CSMD1: variants seen among roughly 807,000 people sequenced by gnomAD.
CSMD1 encodes CUB and sushi domain-containing protein 1.
A neutral mutation model predicts 417.5 loss-of-function variants in CSMD1; 213 were observed. That is an observed-to-expected ratio of 0.51 (90% confidence interval 0.46 to 0.57). The LOEUF (loss-of-function observed/expected upper bound fraction) is 0.57, where lower values mean the gene tolerates loss of function less well. Ranked by LOEUF, CSMD1 falls within the 20% of genes least tolerant of loss-of-function variation. CSMD1 has a pLI of 0.00. For synonymous variants in CSMD1, 2,862 were observed against 1,736.8 expected (o/e 1.65, Z -16.11); for missense variants, 6,923 against 4,529.7 (o/e 1.53, Z -15.17).
chr8:4,775,222 C>T (rs1304984732), intron 1 of CSMD1, among the ~76,000 whole-genome samples: 1 of 151,962 alleles, frequency 6.6e-6, no homozygotes, highest in Non-Finnish European at 1.5e-5. Flanking sequence ...GGACATATCA[C>T]TAAAATAGGA....
intron 5 of CSMD1, among the ~76,000 whole-genome samples, chr8:3,921,523 C>A (rs191307417): frequency 8.0e-4 from 121 of 151,930 alleles, no homozygotes; most frequent in Non-Finnish European, 1.6e-3. Flanking sequence ...TTCATGTAGG[C>A]CATCATTTCT....
chr8:4,184,609 GA>G (rs113767956), intron 3 of CSMD1, among the ~76,000 whole-genome samples: 77 of 149,892 alleles, frequency 5.1e-4, no homozygotes, highest in East Asian at 3.7e-3. Flanking sequence ...ACTAACACAG[GA>G]AAAAAAAAAT....
At chr8:3,498,391 C>G in intron 10 of CSMD1, among the ~76,000 whole-genome samples, 1 of 152,008 alleles carries the variant, frequency 6.6e-6, no homozygotes, top group East Asian at 1.9e-4. Flanking sequence ...TTTCTTTTTT[C>G]TTTTTCTTGG....
chr8:3,159,011 T>G (rs1025709055), intron 38 of CSMD1, among the ~76,000 whole-genome samples: 1 of 152,216 alleles, frequency 6.6e-6, no homozygotes, highest in Non-Finnish European at 1.5e-5. Flanking sequence ...CCTCTTGATA[T>G]TTTTAAAAGT....
At chr8:4,499,133 A>C (rs1245746166) in intron 2 of CSMD1, among the ~76,000 whole-genome samples, 2 of 152,208 alleles carry the variant, frequency 1.3e-5, no homozygotes, top group Non-Finnish European at 2.9e-5. Flanking sequence ...GATTTAAACC[A>C]AGATAAAGAA....
intron 5 of CSMD1, among the ~76,000 whole-genome samples, chr8:3,819,800 C>A (rs184575750): frequency 6.6e-6 from 1 of 152,080 alleles, no homozygotes; most frequent in Admixed American, 6.5e-5. Flanking sequence ...TTTGCCTGGC[C>A]TCCCAAAGTA....
At chr8:3,455,959 C>G (rs935849478) in intron 12 of CSMD1, among the ~76,000 whole-genome samples, 7 of 152,136 alleles carry the variant, frequency 4.6e-5, no homozygotes, top group Non-Finnish European at 8.8e-5. Context: ...TGGGCTCCAC[C>G]CAGTTCGAGC....
intron 68 of CSMD1, among the ~76,000 whole-genome samples, chr8:2,949,083 T>A (rs768810020): frequency 6.6e-6 from 1 of 152,058 alleles, no homozygotes; most frequent in African/African-American, 2.4e-5. Flanking sequence ...AGTGAAGATA[T>A]GATGTCTGGC....
chr8:4,436,749 C>G (rs893467543), intron 2 of CSMD1, among the ~76,000 whole-genome samples: 1 of 152,040 alleles, frequency 6.6e-6, no homozygotes, highest in Non-Finnish European at 1.5e-5. Context: ...TTTTAGATCC[C>G]ACAAATAAGT....
intron 5 of CSMD1, among the ~76,000 whole-genome samples, chr8:3,960,227 T>G (rs1390625010): frequency 6.6e-6 from 1 of 152,212 alleles, no homozygotes; most frequent in East Asian, 1.9e-4. Context: ...CTAAGAAAAT[T>G]TTATTTCCTC....
chr8:4,473,859 T>G (rs1237885194), intron 2 of CSMD1, among the ~76,000 whole-genome samples: 1 of 152,132 alleles, frequency 6.6e-6, no homozygotes, highest in Non-Finnish European at 1.5e-5. Context: ...GTAGCATATA[T>G]AAGAATTTAA....
intron 36 of CSMD1, among the ~76,000 whole-genome samples, chr8:3,182,664 T>C (rs1460112880): frequency 5.2e-5 from 3 of 58,036 alleles, no homozygotes; most frequent in African/African-American, 2.0e-4. Context: ...ACTCTGGCTG[T>C]CTATAAGAAG....
chr8:3,997,472 G>A (rs149041882), intron 5 of CSMD1, among the ~76,000 whole-genome samples: 55 of 152,244 alleles, frequency 3.6e-4, no homozygotes, highest in Middle Eastern at 3.4e-3. Flanking sequence ...ACAGAATGTG[G>A]TACACAGTCT....
intron 2 of CSMD1, among the ~76,000 whole-genome samples, chr8:4,637,029 TG>T (rs1802859620): frequency 6.6e-6 from 1 of 152,008 alleles, no homozygotes; most frequent in African/African-American, 2.4e-5. Context: ...AGGACAGAAA[TG>T]GAACATGGGA....
chr8:3,574,934 C>A lies in CSMD1; in HGVS notation c.1344+11G>T. On this transcript the variant is annotated intron_variant, in intron 10 of 69. Transcript: ENST00000635120. ...GTGCATTAACCACAGGGGTTGGAGG[C>A]GGAGCCTTACCTTGTCCGGGTCGGT... The A allele has an allele frequency of 6.2e-7, 1 of 1,611,038 alleles. No individual in the cohort carries two copies. Among genetic ancestry groups the A allele is most frequent in the African/African-American group, 1.3e-5 (1 of 74,936 alleles).
intron 14 of CSMD1, among the ~76,000 whole-genome samples, chr8:3,407,515 G>T: frequency 6.6e-6 from 1 of 151,880 alleles, no homozygotes; most frequent in African/African-American, 2.4e-5. Flanking sequence ...ATGAATGAAA[G>T]GATACAGATG....
At chr8:4,133,847 A>T (rs1803258172) in intron 3 of CSMD1, among the ~76,000 whole-genome samples, 1 of 152,170 alleles carries the variant, frequency 6.6e-6, no homozygotes, top group African/African-American at 2.4e-5. Flanking sequence ...CCTGCTTTGC[A>T]ATCAGGGTTA....
intron 1 of CSMD1, among the ~76,000 whole-genome samples, chr8:4,841,911 CAAAAAAAAAAAAAAA>C (rs397757527): frequency 5.7e-5 from 2 of 34,832 alleles, no homozygotes; most frequent in Non-Finnish European, 8.6e-5. Flanking sequence ...AACTCCGTCT[CAAAAAAAAAAAAAAA>C]AAAAAAAAAA....
chr8:4,934,267 C>T (rs1807451344), intron 1 of CSMD1, among the ~76,000 whole-genome samples: 1 of 152,194 alleles, frequency 6.6e-6, no homozygotes, highest in African/African-American at 2.4e-5. Context: ...TATTTCCCCA[C>T]AGAATGCTTT....
Sources: gnomAD v4.1 joint callset for allele counts (sites outside exome capture counted in the v4.1 genomes callset) on GRCh38, gnomAD v4.1.1 for gene constraint, MANE v1.5 for transcripts, NCBI Gene and HGNC (gene_info 2026-07-23, HGNC 2026-07-21) for gene names.